CACNB1: variants seen among roughly 807,000 people sequenced by gnomAD.
CACNB1 encodes the protein calcium voltage-gated channel auxiliary subunit beta 1.
Under a neutral mutation model 71.6 loss-of-function variants are expected in CACNB1, and 29 were observed. The ratio of observed to expected loss-of-function variants is 0.40; its 90% CI spans 0.30 to 0.55. CACNB1 has a LOEUF of 0.55. Among genes scored for constraint, CACNB1 ranks in the 20% least tolerant of loss-of-function variants. The probability of loss-of-function intolerance (pLI) is 0.38; values close to 1 mark genes in which losing one functional copy is unlikely to be tolerated. For synonymous variants in CACNB1, 300 were observed against 319.6 expected (o/e 0.94, Z 0.65); for missense variants, 623 against 801.8 (o/e 0.78, Z 2.69).
Position 39,174,671 on chromosome 17 carries a change from C to T in CACNB1, c.*522G>A. The T allele has an allele frequency of 6.4e-6, 1 of 155,306 alleles. No homozygotes were observed. The allele number at this position is 155,306 out of a possible 1,614,324, so 9.6% of individuals were successfully genotyped here. A position where few individuals can be genotyped will look rare whatever the true frequency, so the allele number is the denominator to read the frequency against. On this transcript the variant is annotated 3_prime_UTR_variant, in exon 14 of 14. Coordinates refer to ENST00000394303, the MANE Select transcript of CACNB1 (RefSeq NM_000723.5). ...TGGGGTGTCCATGCTATGGCTTTCA[C>T]CGACCAGACGATGCTGCCAGGAAGC... is the stretch of plus-strand genomic sequence containing the variant.
rs181552596 is a variant in CACNB1 at position 39,184,868 on chromosome 17, G to T, written c.649-4C>A. The T allele has an allele frequency of 1.2e-4, 180 of 1,556,530 alleles. No individual in the cohort carries two copies. Among genetic ancestry groups the T allele is most frequent in the Non-Finnish European group, 1.4e-4 (157 of 1,127,480 alleles). ...CATAGGGGGGCACATGCTCTGTCTG[G>T]GGGGGGAAGCAGGGAGGGGAAACCC... On this transcript the variant is annotated splice_polypyrimidine_tract_variant and splice_region_variant and intron_variant, in intron 7 of 13. Transcript: ENST00000394303.
intron 3 of CACNB1, among the ~76,000 whole-genome samples, chr17:39,191,000 C>G (rs548733880): frequency 5.3e-5 from 8 of 151,592 alleles, no homozygotes; most frequent in African/African-American, 4.8e-5. Flanking sequence ...GTCAGGAGAT[C>G]GAGACCATCC....
Position 39,194,968 on chromosome 17 carries a change from G to A in CACNB1, c.87C>T (p.Gly29=). 1 of 1,607,840 alleles carries A rather than the reference G, an allele frequency of 6.2e-7. No homozygotes were observed. Among genetic ancestry groups the A allele is most frequent in the South Asian group, 1.1e-5 (1 of 90,706 alleles). Residue 29 remains glycine (G), a splice_region_variant and synonymous_variant, in exon 2 of 14, where the codon GGC becomes GGT. Transcript: ENST00000394303. The surrounding 1 kb of genome is among the most constrained non-coding windows in gnomAD (Gnocchi z 4.6). ...PMEVFDPSPQ[G]KYSKRKGRFK... ...ATCGCCCTTTCCTCTTGCTGTATTT[G>A]CCCTGAAGAGGCCAGGAAAGGAACA...
At chr17:39,185,808 A>C in intron 6 of CACNB1, 2 of 827,444 alleles carry the variant, frequency 2.4e-6, no homozygotes, top group Non-Finnish European at 3.7e-6. Flanking sequence ...TGCCCATGCT[A>C]CCCTTCCCTC....
chr17:39,183,970 C>T (rs1270827667), intron 10 of CACNB1, 61 bp downstream of exon 10: 10 of 1,530,918 alleles, frequency 6.5e-6, no homozygotes, highest in Non-Finnish European at 9.0e-6. Context: ...CCTCCCACAC[C>T]TCCCACCCCT....
intron 3 of CACNB1, among the ~76,000 whole-genome samples, chr17:39,190,056 C>T (rs2046035917): frequency 6.6e-6 from 1 of 151,866 alleles, no homozygotes; most frequent in South Asian, 2.1e-4. Flanking sequence ...GCGGAGGCTG[C>T]AGTGAGCCGA....
intron 3 of CACNB1, among the ~76,000 whole-genome samples, chr17:39,189,403 C>T (rs943710642): frequency 6.6e-6 from 1 of 151,708 alleles, no homozygotes; most frequent in African/African-American, 2.4e-5. Flanking sequence ...ATAATAATAG[C>T]AGCCAGGCAC....
Position 39,186,451 on chromosome 17 carries a change from A to G in CACNB1, c.628+45T>C. On this transcript the variant is annotated intron_variant, in intron 6 of 13. Transcript: ENST00000394303. This position sits in a 1 kb window ranked among gnomAD's most constrained non-coding sequence, Gnocchi z 4.1. Reference sequence around the variant, plus strand: ...ATTCAGGGAGTGGGGAGACCACCCCACCCAGGAGCTTCTTCCCAAACCCCT... The same window carrying G: ...ATTCAGGGAGTGGGGAGACCACCCCGCCCAGGAGCTTCTTCCCAAACCCCT... 1 of 1,474,078 alleles carries G rather than the reference A, an allele frequency of 6.8e-7. No individual in the cohort carries two copies. 91.3% of individuals were successfully genotyped at this position (1,474,078 alleles called of 1,614,324 possible).
At position 39,175,721 on chromosome 17, in the gene CACNB1, G is replaced by A; in HGVS notation, c.1333-64C>T. 1 of 1,298,032 alleles carries A rather than the reference G, an allele frequency of 7.7e-7. No individual in the cohort carries two copies. The highest frequency in any genetic ancestry group is 2.3e-5 in the East Asian group (1 of 42,844). The allele number at this position is 1,298,032 out of a possible 1,614,324, so 80.4% of individuals were successfully genotyped here. On this transcript the variant is annotated intron_variant, in intron 13 of 13. Coordinates refer to ENST00000394303, the MANE Select transcript of CACNB1 (RefSeq NM_000723.5). This position sits in a 1 kb window ranked among gnomAD's most constrained non-coding sequence, Gnocchi z 4.7. ...GCAGGGGTGAGAAAAACACAACAAA[G>A]CAAGGCAAGTTAGTGACAGCATTAA... is the stretch of plus-strand genomic sequence containing the variant.
chr17:39,194,635 G>T lies in CACNB1; in HGVS notation c.171+249C>A, dbSNP rs2046164230. ...GGCTGTCCCTGAATGAGATGACGCA[G>T]GCCAGCAGGCAGCAGGGGAGGGTGC... On this transcript the variant is annotated intron_variant, in intron 2 of 13. Coordinates refer to ENST00000394303, the MANE Select transcript of CACNB1 (RefSeq NM_000723.5). This position sits in a 1 kb window ranked among gnomAD's most constrained non-coding sequence, Gnocchi z 4.6. Among the ~76,000 whole-genome samples, 2 of 152,026 alleles carry T rather than the reference G, an allele frequency of 1.3e-5. No individual in the cohort carries two copies. Among genetic ancestry groups the T allele is most frequent in the African/African-American group, 4.8e-5 (2 of 41,372 alleles).
chr17:39,175,463 GTT>G lies in CACNB1; in HGVS notation c.1525_1526del (p.Asn509LeufsTer16). The G allele has an allele frequency of 6.2e-7, 1 of 1,614,218 alleles. No individual in the cohort carries two copies. The highest frequency in any genetic ancestry group is 8.5e-7 in the Non-Finnish European group (1 of 1,180,046). On this transcript the variant is annotated frameshift_variant, in exon 14 of 14. Transcript: ENST00000394303. LOFTEE classifies it high-confidence loss of function. This position sits in a 1 kb window ranked among gnomAD's most constrained non-coding sequence, Gnocchi z 4.7. ...TFDADTPGSR[N>X]SAYTELGDSC... Reference sequence around the variant, plus strand: ...AGTCTCCCAGCTCCGTGTAGGCAGAGTTTCGGCTGCCGGGGGTGTCGGCATCA... The same window carrying G: ...AGTCTCCCAGCTCCGTGTAGGCAGAGTCGGCTGCCGGGGGTGTCGGCATCA...
At chr17:39,196,723 G>A (rs1340584466) in intron 1 of CACNB1, among the ~76,000 whole-genome samples, 1 of 150,008 alleles carries the variant, frequency 6.7e-6, no homozygotes, top group African/African-American at 2.5e-5. Context: ...AGGTAAAACA[G>A]CTTCCCCCCC....
chr17:39,178,142 AGAGGCGG>A, intron 11 of CACNB1, 63 bp from the exon 12 acceptor site: 1 of 1,224,978 alleles, frequency 8.2e-7, no homozygotes, highest in South Asian at 1.2e-5. Context: ...ACCCAGTCAG[AGAGGCGG>A]GTCCTGGTTG....
At chr17:39,191,792 C>T in intron 2 of CACNB1, 199 bp from the exon 3 acceptor site, 1 of 555,844 alleles carries the variant, frequency 1.8e-6, no homozygotes, top group Non-Finnish European at 3.1e-6. Context: ...GAAAGTGTGG[C>T]CCTAGTGAGG....
chr17:39,195,125 G>A (rs1301235135), intron 1 of CACNB1, 155 bp from the exon 2 acceptor site: 1 of 581,364 alleles, frequency 1.7e-6, no homozygotes, highest in African/African-American at 1.9e-5. Flanking sequence ...TACGACCCAA[G>A]GGGAGGGAGG....
At position 39,183,679 on chromosome 17, in the gene CACNB1, G is replaced by T. The variant is rs200053887; in HGVS notation, c.1050+34C>A. The T allele has an allele frequency of 4.6e-6, 7 of 1,521,870 alleles. No homozygotes were observed. The East Asian group carries it at 1.4e-4, about 31-fold the overall frequency. 94.3% of individuals were successfully genotyped at this position (1,521,870 alleles called of 1,614,324 possible). ...AACCCAAGCAGCCCTTTCAAACCAC[G>T]CTGTCCTGGCCAGGGTCAGGCTCCT... On this transcript the variant is annotated intron_variant, in intron 11 of 13. Transcript: ENST00000394303.
Position 39,186,511 on chromosome 17 carries a change from T to C in CACNB1, c.613A>G (p.Thr205Ala), listed in dbSNP as rs773498937. 5.0e-6 allele frequency: 8 copies of C among 1,612,906 alleles called. No individual in the cohort carries two copies. Among genetic ancestry groups the C allele is most frequent in the Non-Finnish European group, 6.8e-6 (8 of 1,179,516 alleles). The change falls in exon 6 of 14, where the codon ACA becomes GCA. Residue 205 changes from threonine to alanine, a missense_variant. Physicochemically the swap from Thr to Ala is moderately conservative, Grantham distance 58 (BLOSUM62 0). Transcript: ENST00000394303. This position sits in a 1 kb window ranked among gnomAD's most constrained non-coding sequence, Gnocchi z 4.1. ...GDVVTGTRRPTPPASAKQKQK... is the reference protein window; with the variant it reads ...GDVVTGTRRPAPPASAKQKQK... ...TGGCTCTTACCACTGGCAGGGGGTG[T>C]GGGGCGGCGGGTGCCAGTCACCACA...
rs112991958 is a variant in CACNB1, at chr17:39,177,536, C to A, written c.1147-1G>T. 1 of 1,579,202 alleles carries A rather than the reference C, an allele frequency of 6.3e-7. No homozygotes were observed. Among genetic ancestry groups the A allele is most frequent in the Admixed American group, 1.7e-5 (1 of 58,472 alleles). On this transcript the variant is annotated splice_acceptor_variant, in intron 12 of 13. Coordinates refer to ENST00000394303, the MANE Select transcript of CACNB1 (RefSeq NM_000723.5). LOFTEE classifies it high-confidence loss of function. ...CATCCAGGATGATGTCAAACATTTCCTGTGAAGGCGGGGTTAGGGGGCAGG... is the reference window on the plus strand; with the variant it reads ...CATCCAGGATGATGTCAAACATTTCATGTGAAGGCGGGGTTAGGGGGCAGG...
chr17:39,181,481 T>C (rs73304968), intron 11 of CACNB1, among the ~76,000 whole-genome samples: 10,763 of 152,164 alleles, frequency 0.071, 1,070 homozygotes, highest in African/African-American at 0.23. Context: ...AACCAAGGCA[T>C]AGAGATGTTT....
Sources: allele counts gnomAD v4.1 joint callset (sites outside exome capture counted in the v4.1 genomes callset), GRCh38; gene constraint gnomAD v4.1.1; non-coding constraint Gnocchi (gnomAD v3.1); transcripts MANE v1.5; gene names NCBI Gene and HGNC (gene_info 2026-07-23, HGNC 2026-07-21).